Variants in CACNA2D2 observed in about 807,000 individuals in gnomAD.
CACNA2D2 encodes the protein calcium voltage-gated channel auxiliary subunit alpha2delta 2.
CACNA2D2 carries 48 observed loss-of-function variants against 166.4 expected under a neutral mutation model. The observed-to-expected ratio is 0.29, with a 90% CI of 0.23 to 0.37. CACNA2D2 has a LOEUF of 0.37. Among genes scored for constraint, CACNA2D2 ranks in the 10% least tolerant of loss-of-function variants. The pLI is 1.00. For synonymous variants in CACNA2D2, 561 were observed against 573.7 expected, an observed-to-expected ratio of 0.98 and a Z score of 0.32; for missense variants, 1,122 against 1,433.0, an observed-to-expected ratio of 0.78 and a Z score of 3.50.
intron 1 of CACNA2D2, among the ~76,000 whole-genome samples, chr3:50,499,006 G>A (rs1015449640): frequency 6.6e-6 from 1 of 152,224 alleles, no homozygotes; most frequent in African/African-American, 2.4e-5. Flanking sequence ...CACTAATGTG[G>A]GTGAGGGGTC....
chr3:50,454,615 G>A (rs563047371), intron 2 of CACNA2D2, among the ~76,000 whole-genome samples: 9 of 152,310 alleles, frequency 5.9e-5, no homozygotes, highest in African/African-American at 1.2e-4. Context: ...CCCTCAGCCC[G>A]GGAGATTAGC....
rs1231701207 is a variant in CACNA2D2, at chr3:50,366,421, T to TG, written c.2638-84dup. The TG allele has an allele frequency of 5.3e-6, 8 of 1,507,658 alleles. No individual in the cohort carries two copies. Among genetic ancestry groups the TG allele is most frequent in the African/African-American group, 1.4e-5 (1 of 72,662 alleles). 93.4% of individuals were successfully genotyped at this position (1,507,658 alleles called of 1,614,324 possible). On this transcript the variant is annotated intron_variant, in intron 30 of 37. Coordinates refer to ENST00000424201, the MANE Select transcript of CACNA2D2 (RefSeq NM_006030.4). This position sits in a 1 kb window ranked among gnomAD's most constrained non-coding sequence, Gnocchi z 5.9. The stretch of plus-strand genomic sequence containing the variant: ...CGCAGGCAGTCCAGTGGTTCAGAGT[T>TG]GGGGGGCATCACTCCCCCAGTCCTG...
chr3:50,471,573 C>G (rs909840898), intron 2 of CACNA2D2, among the ~76,000 whole-genome samples: 3 of 152,218 alleles, frequency 2.0e-5, no homozygotes, highest in Admixed American at 1.3e-4. Flanking sequence ...TAGATGGTAA[C>G]AGAGCTCAGC....
At chr3:50,502,536 G>A (rs2107201773) in intron 1 of CACNA2D2, among the ~76,000 whole-genome samples, 2 of 152,316 alleles carry the variant, frequency 1.3e-5, no homozygotes, top group South Asian at 4.1e-4. Context: ...TTACTCTGTT[G>A]GCAGCAGCAG....
rs991303850 is a variant in CACNA2D2 at position 50,434,232 on chromosome 3, G to T, written c.405+81C>A. On this transcript the variant is annotated intron_variant, in intron 3 of 37. Coordinates refer to ENST00000424201, the MANE Select transcript of CACNA2D2 (RefSeq NM_006030.4). ...AGGAGGGCCACGTGATGAAGGCTCA[G>T]GACACTGCCCTCATGGTACAGGACC... is the stretch of plus-strand genomic sequence containing the variant. 3.1e-6 allele frequency: 3 copies of T among 963,100 alleles called. No individual in the cohort carries two copies. In the African/African-American group the frequency reaches 4.8e-5, roughly 15 times the overall value. 59.7% of individuals were successfully genotyped at this position (963,100 alleles called of 1,614,324 possible).
At chr3:50,502,998 G>T (rs1699045737) in intron 1 of CACNA2D2, among the ~76,000 whole-genome samples, 1 of 152,214 alleles carries the variant, frequency 6.6e-6, no homozygotes, top group Non-Finnish European at 1.5e-5. Flanking sequence ...GGGATTTGGG[G>T]GAAGCAGGGG....
chr3:50,434,866 T>C (rs899563752), intron 2 of CACNA2D2, among the ~76,000 whole-genome samples: 1 of 152,230 alleles, frequency 6.6e-6, no homozygotes, highest in Non-Finnish European at 1.5e-5. Context: ...AAAAAGAAGA[T>C]GCTCACGCCC....
intron 2 of CACNA2D2, among the ~76,000 whole-genome samples, chr3:50,470,595 G>T (rs1710030521): frequency 8.2e-6 from 1 of 122,334 alleles, no homozygotes; most frequent in African/African-American, 3.4e-5. Flanking sequence ...ATGGGGGGAG[G>T]GGGCGGGGGG....
chr3:50,410,171 G>A (rs1035115530), intron 3 of CACNA2D2, among the ~76,000 whole-genome samples: 1 of 152,212 alleles, frequency 6.6e-6, no homozygotes, highest in African/African-American at 2.4e-5. Context: ...GACCCTTTGG[G>A]GGCGGCTGTG....
intron 2 of CACNA2D2, among the ~76,000 whole-genome samples, chr3:50,445,687 C>T (rs1486878118): frequency 6.6e-6 from 1 of 152,206 alleles, no homozygotes; most frequent in African/African-American, 2.4e-5. Flanking sequence ...GCTCTGAAAA[C>T]ACATGCACTC....
At chr3:50,409,817 C>T (rs964992957) in intron 3 of CACNA2D2, among the ~76,000 whole-genome samples, 11 of 152,170 alleles carry the variant, frequency 7.2e-5, no homozygotes, top group African/African-American at 2.2e-4. Flanking sequence ...GATCAGACAG[C>T]GTGGAGTGGG....
rs903964947 is a variant in CACNA2D2, at chr3:50,370,208, G to A, written c.2045+112C>T. The stretch of plus-strand genomic sequence containing the variant: ...ACCGGGCGATGTATGGGGGCCGGGG[G>A]ATGACACTGCACAGGACACAGACAC... On this transcript the variant is annotated intron_variant, in intron 23 of 37. Transcript: ENST00000424201. The A allele has an allele frequency of 2.5e-5, 19 of 752,806 alleles. No homozygotes were observed. The East Asian group carries it at 5.1e-4, about 20-fold the overall frequency. 46.6% of individuals were successfully genotyped at this position (752,806 alleles called of 1,614,324 possible).
rs1295682848 is a variant in CACNA2D2 at position 50,468,379 on chromosome 3, TAGTGTGTGTGTGTG to T, written c.288+7725_288+7738del. On this transcript the variant is annotated intron_variant, in intron 2 of 37. Transcript: ENST00000424201. The stretch of plus-strand genomic sequence containing the variant: ...AAGAGAACCAGCAAGTTCATCAGAA[TAGTGTGTGTGTGTG>T]TGTGTGTGTGTGTGTGTGTGTGTGT... 3.5e-4 allele frequency among the ~76,000 whole-genome samples: 24 copies of T among 68,920 alleles called. 1 individual carries two copies. The highest frequency in any genetic ancestry group is 1.2e-3 in the African/African-American group (24 of 20,594). The allele number at this position is 68,920 out of a possible 152,430, so 45.2% of individuals were successfully genotyped here. A position where few individuals can be genotyped will look rare whatever the true frequency, so the allele number is the denominator to read the frequency against.
At chr3:50,390,700 G>A (rs910468108) in intron 4 of CACNA2D2, among the ~76,000 whole-genome samples, 3 of 152,176 alleles carry the variant, frequency 2.0e-5, no homozygotes, top group African/African-American at 4.8e-5. Flanking sequence ...GGCGAGGGGC[G>A]GGGCAGGAGG....
chr3:50,401,657 A>G (rs1221141825), intron 3 of CACNA2D2, among the ~76,000 whole-genome samples: 1 of 150,816 alleles, frequency 6.6e-6, no homozygotes, highest in Admixed American at 6.6e-5. Context: ...AAAAACTCCC[A>G]CTCTCTCTTA....
At chr3:50,402,909 A>C (rs1445101478) in intron 3 of CACNA2D2, among the ~76,000 whole-genome samples, 1 of 151,886 alleles carries the variant, frequency 6.6e-6, no homozygotes, top group East Asian at 1.9e-4. Context: ...CACTCTGGCT[A>C]GGGGAGCAGG....
intron 3 of CACNA2D2, among the ~76,000 whole-genome samples, chr3:50,415,556 T>G (rs958970452): frequency 2.0e-5 from 3 of 152,210 alleles, no homozygotes; most frequent in African/African-American, 7.2e-5. Flanking sequence ...AGACCCCTCC[T>G]TGGGGTTACC....
chr3:50,449,458 C>T (rs1709005570), intron 2 of CACNA2D2, among the ~76,000 whole-genome samples: 1 of 152,182 alleles, frequency 6.6e-6, no homozygotes, highest in African/African-American at 2.4e-5. Context: ...TTAGGCTCAA[C>T]CCTGATGCCA....
chr3:50,381,819 C>A (rs1705331080), intron 6 of CACNA2D2, among the ~76,000 whole-genome samples: 2 of 152,072 alleles, frequency 1.3e-5, no homozygotes, highest in African/African-American at 4.8e-5. Flanking sequence ...CAGCTGCCAC[C>A]ATGGGCACAA....
Sources: allele counts gnomAD v4.1 joint callset (sites outside exome capture counted in the v4.1 genomes callset), GRCh38; gene constraint gnomAD v4.1.1; non-coding constraint Gnocchi (gnomAD v3.1); transcripts MANE v1.5; gene names NCBI Gene and HGNC (gene_info 2026-07-23, HGNC 2026-07-21).